The following CWF19L2 variants were observed in gnomAD, a reference collection of about 807,000 sequenced individuals.
The protein encoded by CWF19L2 is CWF19-like protein 2.
Under a neutral mutation model 111.7 loss-of-function variants are expected in CWF19L2, and 98 were observed. The observed-to-expected ratio is 0.88, with a 90% CI of 0.75 to 1.04. CWF19L2 has a LOEUF of 1.04. CWF19L2 is among the 50% of genes least tolerant of loss of function. The pLI is 0.00. For synonymous variants in CWF19L2, 351 were observed against 342.9 expected, an observed-to-expected ratio of 1.02 and a Z score of -0.26; for missense variants, 1,101 against 1,051.4, an observed-to-expected ratio of 1.05 and a Z score of -0.65.
At chr11:107,355,191 C>T (rs516540) in intron 12 of CWF19L2, among the ~76,000 whole-genome samples, 82,347 of 151,854 alleles carry the variant, frequency 0.54, 23,500 homozygotes, top group African/African-American at 0.74. Context: ...CCAAGGCAGG[C>T]GGATCACGAG....
At chr11:107,362,066 C>CACG (rs1591163390) in intron 12 of CWF19L2, among the ~76,000 whole-genome samples, 3 of 152,206 alleles carry the variant, frequency 2.0e-5, no homozygotes, top group Admixed American at 6.5e-5. Flanking sequence ...GGGTGACGGA[C>CACG]GCACCTGGAA....
chr11:107,361,243 T>C (rs996512765), intron 12 of CWF19L2, among the ~76,000 whole-genome samples: 1 of 152,256 alleles, frequency 6.6e-6, no homozygotes, highest in Non-Finnish European at 1.5e-5. Flanking sequence ...GTGTCAACTT[T>C]GTCAAAGATC....
At chr11:107,370,119 G>A (rs1320967860) in intron 12 of CWF19L2, among the ~76,000 whole-genome samples, 3 of 137,412 alleles carry the variant, frequency 2.2e-5, no homozygotes, top group African/African-American at 5.8e-5. Context: ...TAACTTCAGG[G>A]AAAAATCTCA....
chr11:107,430,543 C>T (rs1402554231), intron 7 of CWF19L2, among the ~76,000 whole-genome samples: 1 of 151,904 alleles, frequency 6.6e-6, no homozygotes, highest in African/African-American at 2.4e-5. Context: ...TAAGACACAC[C>T]ATCAATGAAT....
At chr11:107,449,269 A>C (rs1861745688) in intron 3 of CWF19L2, among the ~76,000 whole-genome samples, 1 of 152,122 alleles carries the variant, frequency 6.6e-6, no homozygotes, top group Non-Finnish European at 1.5e-5. Context: ...ATGAAATAAA[A>C]GAAATTTTCA....
chr11:107,390,015 C>T, intron 12 of CWF19L2, 59 bp downstream of exon 12: 2 of 1,452,206 alleles, frequency 1.4e-6, no homozygotes, highest in East Asian at 2.3e-5. Context: ...AAGCAGATCA[C>T]TGTTACACTG....
chr11:107,432,889 G>C (rs1171760392), intron 7 of CWF19L2, among the ~76,000 whole-genome samples: 1 of 151,902 alleles, frequency 6.6e-6, no homozygotes, highest in East Asian at 1.9e-4. Context: ...TATCTAACAA[G>C]GGAAAGGAAA....
rs1483569928 is a variant in CWF19L2 at position 107,373,104 on chromosome 11, C to G, written c.1872+16970G>C. Among the ~76,000 whole-genome samples, 5 of 68,476 alleles carry G rather than the reference C, an allele frequency of 7.3e-5. 2 individuals carry two copies. The East Asian group carries it at 1.9e-3, about 26-fold the overall frequency. 44.9% of individuals were successfully genotyped at this position (68,476 alleles called of 152,430 possible). A position where few individuals can be genotyped will look rare whatever the true frequency, so the allele number is the denominator to read the frequency against. ...CACACTACGAGATTATATCCCGCAC[C>G]TGGCTCGGAGGGTCCTACGCCCACG... On this transcript the variant is annotated intron_variant, in intron 12 of 17. Transcript: ENST00000282251.
At chr11:107,428,438 T>C (rs563939220) in intron 8 of CWF19L2, among the ~76,000 whole-genome samples, 6 of 152,240 alleles carry the variant, frequency 3.9e-5, no homozygotes, top group Admixed American at 2.0e-4. Context: ...ATTATGATTA[T>C]ACTCAACAAT....
Position 107,428,979 on chromosome 11 carries a change from G to C in CWF19L2, c.1253C>G (p.Ser418Ter). The C allele has an allele frequency of 6.2e-7, 1 of 1,613,636 alleles. No individual in the cohort carries two copies. Among genetic ancestry groups the C allele is most frequent in the East Asian group, 2.2e-5 (1 of 44,842 alleles). The change falls in exon 8 of 18, where the codon TCA becomes TGA. Residue 418 changes from serine (S) to a stop codon, truncating the protein, a stop_gained. Coordinates refer to ENST00000282251, the MANE Select transcript of CWF19L2 (RefSeq NM_152434.3). LOFTEE classifies it high-confidence loss of function. ...PTKNSEERLT[S>*]WSRSDGRGDK... ...TCCTCTCCCATCAGAGCGACTCCAT[G>C]ATGTTAATCTTTCTTCACTGTTCTT...
chr11:107,434,554 C>G (rs1468745462), intron 6 of CWF19L2, among the ~76,000 whole-genome samples: 1 of 151,278 alleles, frequency 6.6e-6, no homozygotes, highest in Non-Finnish European at 1.5e-5. Flanking sequence ...CAAGAATATT[C>G]ATAGCAGAAC....
chr11:107,442,061 G>A (rs1055842576), intron 4 of CWF19L2, among the ~76,000 whole-genome samples: 31 of 152,052 alleles, frequency 2.0e-4, no homozygotes, highest in African/African-American at 7.2e-4. Context: ...ATGAGGTGAA[G>A]GGAAAAAAAA....
chr11:107,391,835 A>C (rs561014070), intron 11 of CWF19L2, among the ~76,000 whole-genome samples: 1 of 152,228 alleles, frequency 6.6e-6, no homozygotes, highest in Admixed American at 6.5e-5. Flanking sequence ...CCAGACACTT[A>C]ATTTCTGGCC....
chr11:107,442,689 T>C (rs1048691823), intron 4 of CWF19L2, among the ~76,000 whole-genome samples: 3 of 112,886 alleles, frequency 2.7e-5, no homozygotes, highest in Admixed American at 9.4e-5. Context: ...GTCTCTAAAA[T>C]GAATGAAAGA....
At chr11:107,419,651 C>T (rs1260422529) in intron 8 of CWF19L2, among the ~76,000 whole-genome samples, 2 of 151,958 alleles carry the variant, frequency 1.3e-5, no homozygotes, top group Non-Finnish European at 2.9e-5. Context: ...CAGATGAAAA[C>T]TACAATGTGT....
At chr11:107,361,717 A>G (rs1376934132) in intron 12 of CWF19L2, among the ~76,000 whole-genome samples, 1 of 152,098 alleles carries the variant, frequency 6.6e-6, no homozygotes, top group African/African-American at 2.4e-5. Context: ...ATTCCTAGGT[A>G]TTATTTTTTA....
chr11:107,370,901 A>G lies in CWF19L2; in HGVS notation c.1873-17165T>C, dbSNP rs748974127. On this transcript the variant is annotated intron_variant, in intron 12 of 17. Coordinates refer to ENST00000282251, the MANE Select transcript of CWF19L2 (RefSeq NM_152434.3). ...ATTTAACATTAAACTACTGAGAGAC[A>G]TAAGTACCTTTTATCATTTGTCTGT... Among the ~76,000 whole-genome samples the G allele has an allele frequency of 3.6e-5, 5 of 138,324 alleles. 1 individual carries two copies. The highest frequency in any genetic ancestry group is 5.7e-5 in the African/African-American group (2 of 34,820). The allele number at this position is 138,324 out of a possible 152,430, so 90.7% of individuals were successfully genotyped here. A position where few individuals can be genotyped will look rare whatever the true frequency, so the allele number is the denominator to read the frequency against.
chr11:107,447,317 A>G (rs571396862), intron 3 of CWF19L2, among the ~76,000 whole-genome samples: 1 of 152,318 alleles, frequency 6.6e-6, no homozygotes, highest in African/African-American at 2.4e-5. Context: ...AAAGGGTGCC[A>G]GAAATCTACT....
chr11:107,455,794 A>T lies in CWF19L2; in HGVS notation c.106-18T>A, dbSNP rs1253863373. 6.7e-7 allele frequency: 1 copy of T among 1,490,152 alleles called. No homozygotes were observed. Among genetic ancestry groups the T allele is most frequent in the South Asian group, 1.3e-5 (1 of 78,298 alleles). The allele number at this position is 1,490,152 out of a possible 1,614,324, so 92.3% of individuals were successfully genotyped here. On this transcript the variant is annotated intron_variant, in intron 1 of 17. Coordinates refer to ENST00000282251, the MANE Select transcript of CWF19L2 (RefSeq NM_152434.3). The stretch of plus-strand genomic sequence containing the variant: ...GCTTTAGCCTACAACCAAAGAAAAA[A>T]AAAAGACAAACTGGCAATTGACCCA...
Sources: gnomAD v4.1 joint callset for allele counts (sites outside exome capture counted in the v4.1 genomes callset) on GRCh38, gnomAD v4.1.1 for gene constraint, MANE v1.5 for transcripts, NCBI Gene and HGNC (gene_info 2026-07-23, HGNC 2026-07-21) for gene names.